Variants in RGL1 observed in about 807,000 individuals in gnomAD.
RGL1 encodes the protein ral guanine nucleotide dissociation stimulator like 1.
In RGL1, 24 loss-of-function variants were observed where a neutral mutation model predicts 95.2. The observed-to-expected ratio is 0.25, with a 90% CI of 0.18 to 0.35. The LOEUF (loss-of-function observed/expected upper bound fraction) is 0.35. Ranked by LOEUF, RGL1 falls within the 10% of genes least tolerant of loss-of-function variation. The probability of loss-of-function intolerance (pLI) is 1.00; values close to 1 mark genes in which losing one functional copy is unlikely to be tolerated. For synonymous variants in RGL1, 329 were observed against 344.9 expected, an observed-to-expected ratio of 0.95 and a Z score of 0.51; for missense variants, 715 against 936.3, an observed-to-expected ratio of 0.76 and a Z score of 3.08.
At chr1:183,865,885 C>T (rs1381184412) in intron 3 of RGL1, 111 bp from the exon 4 acceptor site, 5 of 728,136 alleles carry the variant, frequency 6.9e-6, no homozygotes, top group Non-Finnish European at 1.2e-5. Context: ...ATATATCTTT[C>T]CTTAATTACT....
At chr1:183,785,426 T>C (rs1358205190) in intron 2 of RGL1, among the ~76,000 whole-genome samples, 3 of 152,220 alleles carry the variant, frequency 2.0e-5, no homozygotes, top group African/African-American at 7.2e-5. Flanking sequence ...TCCTTGACTG[T>C]GGATTAGGTG....
intron 2 of RGL1, chr1:183,742,363 A>T: frequency 6.4e-7 from 1 of 1,568,402 alleles, no homozygotes; most frequent in Non-Finnish European, 8.8e-7. Flanking sequence ...TTCTTCGTGT[A>T]GCCAGCACCA....
chr1:183,699,787 G>A (rs1654474040), intron 1 of RGL1, among the ~76,000 whole-genome samples: 2 of 152,104 alleles, frequency 1.3e-5, no homozygotes, highest in Non-Finnish European at 2.9e-5. Flanking sequence ...GACTGTCTTG[G>A]TTCTTGTTTA....
chr1:183,847,567 T>C lies in RGL1; in HGVS notation c.140T>C (p.Val47Ala). The change falls in exon 3 of 18, where the codon GTT becomes GCT. Residue 47 changes from valine to alanine, a missense_variant and splice_region_variant. Around this residue, in one of 3 missense-constraint regions of RGL1, gnomAD observed 381 missense variants for 484.8 expected, o/e 0.79. Transcript: ENST00000360851. ...GGTAATTGTTAATTTATTATACAGG[T>C]TGAAGGGGACCAGCTGCCTCCAGGA... ...AANKGARWLGVEGDQLPPGHT... is the reference protein window; with the variant it reads ...AANKGARWLGAEGDQLPPGHT... The C allele has an allele frequency of 6.2e-7, 1 of 1,613,594 alleles. No individual in the cohort carries two copies. The highest frequency in any genetic ancestry group is 8.5e-7 in the Non-Finnish European group (1 of 1,179,602).
chr1:183,739,757 A>G (rs1657170894), intron 1 of RGL1, among the ~76,000 whole-genome samples: 1 of 152,184 alleles, frequency 6.6e-6, no homozygotes, highest in Non-Finnish European at 1.5e-5. Context: ...GGAATCGTTT[A>G]AAACTCACAA....
At chr1:183,867,560 G>A (rs1665913557) in intron 4 of RGL1, among the ~76,000 whole-genome samples, 1 of 152,184 alleles carries the variant, frequency 6.6e-6, no homozygotes, top group Non-Finnish European at 1.5e-5. Context: ...AGTGGGGACA[G>A]TGAGTCTTGT....
chr1:183,852,276 G>C (rs1664868077), intron 3 of RGL1, among the ~76,000 whole-genome samples: 2 of 152,076 alleles, frequency 1.3e-5, no homozygotes, highest in African/African-American at 2.4e-5. Context: ...TATAATATGA[G>C]CCTTTTGTGA....
chr1:183,846,324 A>C (rs182963128), intron 2 of RGL1, among the ~76,000 whole-genome samples: 1 of 152,150 alleles, frequency 6.6e-6, no homozygotes, highest in Admixed American at 6.5e-5. Flanking sequence ...GTTCTCACTC[A>C]TAAGTGGGAG....
At chr1:183,734,230 CT>C (rs1179923677) in intron 1 of RGL1, among the ~76,000 whole-genome samples, 2 of 152,172 alleles carry the variant, frequency 1.3e-5, no homozygotes, top group Non-Finnish European at 2.9e-5. Flanking sequence ...CCTCTGAATC[CT>C]TTCGAGAGCT....
chr1:183,810,600 G>A (rs1414837998), intron 2 of RGL1, among the ~76,000 whole-genome samples: 1 of 152,208 alleles, frequency 6.6e-6, no homozygotes, highest in Non-Finnish European at 1.5e-5. Flanking sequence ...TTAGGTCATA[G>A]AACGTGGCAT....
At chr1:183,830,411 A>G (rs537605074) in intron 2 of RGL1, among the ~76,000 whole-genome samples, 1 of 152,346 alleles carries the variant, frequency 6.6e-6, no homozygotes, top group South Asian at 2.1e-4. Flanking sequence ...CCAATGCCTC[A>G]CAAGTAAATT....
chr1:183,852,885 T>C (rs1664912308), intron 3 of RGL1, among the ~76,000 whole-genome samples: 1 of 152,166 alleles, frequency 6.6e-6, no homozygotes, highest in South Asian at 2.1e-4. Context: ...ACCTCAAATG[T>C]AGGGAGAAAC....
intron 1 of RGL1, chr1:183,647,918 C>T: frequency 6.2e-7 from 1 of 1,614,132 alleles, no homozygotes; most frequent in East Asian, 2.2e-5. Flanking sequence ...CAACAGGAGC[C>T]CTGAGGTCTG....
At chr1:183,779,213 TTCCTTCCTTCCTTCCC>T (rs1659769272) in intron 2 of RGL1, among the ~76,000 whole-genome samples, 1 of 134,468 alleles carries the variant, frequency 7.4e-6, no homozygotes, top group South Asian at 2.4e-4. Context: ...CCTTCCTTCC[TTCCTTCCTTCCTTCCC>T]TCCCTCCCAC....
chr1:183,694,954 T>G (rs1654168632), intron 1 of RGL1, among the ~76,000 whole-genome samples: 1 of 152,210 alleles, frequency 6.6e-6, no homozygotes, highest in African/African-American at 2.4e-5. Flanking sequence ...TTTCCAAAGG[T>G]CTTGGTATTT....
At position 183,916,685 on chromosome 1, in the gene RGL1, T is replaced by A; in HGVS notation, c.1988T>A (p.Met663Lys). 1.2e-5 allele frequency: 19 copies of A among 1,612,866 alleles called. No individual in the cohort carries two copies. The highest frequency in any genetic ancestry group is 1.6e-5 in the Non-Finnish European group (19 of 1,179,854). ...RISVEDNNGN[M>K]YKSIMLTSQD... ...AGTGTGGAAGACAATAACGGCAACATGTACAAGAGCATCATGGTGAGGAGC... is the reference window on the plus strand; with the variant it reads ...AGTGTGGAAGACAATAACGGCAACAAGTACAAGAGCATCATGGTGAGGAGC... Residue 663 changes from methionine to lysine, a missense_variant, in exon 16 of 18, where the codon ATG becomes AAG. Met to Lys is a moderately conservative substitution (Grantham distance 95). Coordinates refer to ENST00000360851, the MANE Select transcript of RGL1 (RefSeq NM_001297671.3).
chr1:183,898,853 A>G lies in RGL1; in HGVS notation c.1230+956A>G, dbSNP rs539573996. On this transcript the variant is annotated intron_variant, in intron 10 of 17. Transcript: ENST00000360851. ...CCTCACAAAGCAGTTCTGGCTGAGG[A>G]AGCAGCCAGCCTCATGTCAAGCAGC... 1.3e-4 allele frequency among the ~76,000 whole-genome samples: 20 copies of G among 152,350 alleles called. 1 individual carries two copies. In the South Asian group the frequency reaches 3.5e-3, roughly 27 times the overall value.
At chr1:183,664,005 T>C (rs1451170908) in intron 1 of RGL1, among the ~76,000 whole-genome samples, 1 of 138,454 alleles carries the variant, frequency 7.2e-6, no homozygotes, top group Non-Finnish European at 1.5e-5. Flanking sequence ...TAGGTGGGAA[T>C]TGAACAATGA....
intron 2 of RGL1, among the ~76,000 whole-genome samples, chr1:183,787,089 C>T (rs774621434): frequency 1.3e-5 from 2 of 152,234 alleles, no homozygotes; most frequent in African/African-American, 2.4e-5. Flanking sequence ...CACTTTGTCA[C>T]ATGACATTCC....
Sources: allele counts gnomAD v4.1 joint callset (sites outside exome capture counted in the v4.1 genomes callset), GRCh38; gene constraint gnomAD v4.1.1; regional missense constraint gnomAD v4.1.1; transcripts MANE v1.5; gene names NCBI Gene and HGNC (gene_info 2026-07-23, HGNC 2026-07-21).